The following CERS6 variants were observed in gnomAD, a reference collection of about 807,000 sequenced individuals.
The protein encoded by CERS6 is ceramide synthase 6, also known as LAG1 homolog, ceramide synthase 6.
A neutral mutation model predicts 56.8 loss-of-function variants in CERS6; 26 were observed. That is an observed-to-expected ratio of 0.46 (90% CI 0.34 to 0.63). The LOEUF (loss-of-function observed/expected upper bound fraction) is 0.63. CERS6 is among the 30% of genes least tolerant of loss of function. The pLI is 0.01. For missense variants in CERS6, 415 were observed against 467.5 expected (o/e 0.89, Z 1.04); for synonymous variants, 164 against 173.3 (o/e 0.95, Z 0.42).
At chr2:168,575,712 G>A (rs893685402) in intron 3 of CERS6, among the ~76,000 whole-genome samples, 2 of 152,108 alleles carry the variant, frequency 1.3e-5, no homozygotes, top group Non-Finnish European at 2.9e-5. Flanking sequence ...TCTTGAACAA[G>A]TTTTTATTCT....
chr2:168,609,197 C>A (rs1035183796), intron 3 of CERS6, among the ~76,000 whole-genome samples: 2 of 152,202 alleles, frequency 1.3e-5, no homozygotes, highest in African/African-American at 4.8e-5. Context: ...TGCCTCCCCA[C>A]CTACCCACTG....
intron 3 of CERS6, among the ~76,000 whole-genome samples, chr2:168,566,910 C>G (rs1468925928): frequency 1.3e-5 from 2 of 151,992 alleles, no homozygotes; most frequent in Non-Finnish European, 2.9e-5. Context: ...TTTTCTCTAT[C>G]AGACCATGAC....
intron 8 of CERS6, among the ~76,000 whole-genome samples, chr2:168,752,005 G>A (rs900029919): frequency 5.3e-5 from 8 of 152,178 alleles, no homozygotes; most frequent in Non-Finnish European, 1.2e-4. Context: ...CTCTTTGAGT[G>A]TAGGTACCTA....
At chr2:168,541,900 CA>C (rs1695379478) in intron 1 of CERS6, among the ~76,000 whole-genome samples, 1 of 152,172 alleles carries the variant, frequency 6.6e-6, no homozygotes, top group Non-Finnish European at 1.5e-5. Context: ...CTGATTTCCC[CA>C]GGCTTTTTTC....
intron 8 of CERS6, 22 bp downstream of exon 8, chr2:168,718,000 C>G (rs1309766486): frequency 6.7e-7 from 1 of 1,496,322 alleles, no homozygotes; most frequent in Non-Finnish European, 9.3e-7. Context: ...AGTCTCCTTC[C>G]TGATAGAGCC....
intron 1 of CERS6, among the ~76,000 whole-genome samples, chr2:168,502,877 G>A (rs899021988): frequency 2.0e-5 from 3 of 152,206 alleles, no homozygotes; most frequent in African/African-American, 7.2e-5. Flanking sequence ...AGATCCATCA[G>A]TGTACCAGAT....
chr2:168,483,216 T>G (rs1388758528), intron 1 of CERS6, among the ~76,000 whole-genome samples: 1 of 152,236 alleles, frequency 6.6e-6, no homozygotes, highest in African/African-American at 2.4e-5. Context: ...CTATTTTTAC[T>G]TCTTTTTTTA....
Position 168,577,608 on chromosome 2 carries a change from G to T in CERS6, c.407+16286G>T, listed in dbSNP as rs531522635. Among the ~76,000 whole-genome samples, 257 of 152,318 alleles carry T rather than the reference G, an allele frequency of 1.7e-3. 3 individuals are homozygous for T. The highest frequency in any genetic ancestry group is 3.4e-3 in the Middle Eastern group (1 of 294). ...ATGGCAAGAGCCGAGCCTTGCCCAG[G>T]CAGGAGGCGCTGGGGTGTGGAGCAC... On this transcript the variant is annotated intron_variant, in intron 3 of 9. Transcript: ENST00000305747.
intron 3 of CERS6, among the ~76,000 whole-genome samples, chr2:168,591,607 T>A (rs894128154): frequency 6.6e-6 from 1 of 152,252 alleles, no homozygotes; most frequent in African/African-American, 2.4e-5. Flanking sequence ...TTGTTTTTCA[T>A]AGTAGAGCTT....
At chr2:168,686,219 C>T (rs1374311194) in intron 4 of CERS6, among the ~76,000 whole-genome samples, 1 of 150,710 alleles carries the variant, frequency 6.6e-6, no homozygotes, top group Non-Finnish European at 1.5e-5. Flanking sequence ...GCGGTCTTCA[C>T]TTGGTCTTCC....
At chr2:168,655,805 A>C (rs1185929534) in intron 4 of CERS6, among the ~76,000 whole-genome samples, 2 of 152,248 alleles carry the variant, frequency 1.3e-5, no homozygotes, top group Non-Finnish European at 2.9e-5. Context: ...GTATAGCATG[A>C]GGACTGTAGT....
chr2:168,539,359 C>T (rs1203683544), intron 1 of CERS6, among the ~76,000 whole-genome samples: 1 of 152,214 alleles, frequency 6.6e-6, no homozygotes, highest in African/African-American at 2.4e-5. Flanking sequence ...TGGGCACCCT[C>T]ATTAACTTCT....
chr2:168,579,908 C>G (rs1263050007), intron 3 of CERS6, among the ~76,000 whole-genome samples: 1 of 152,118 alleles, frequency 6.6e-6, no homozygotes. Flanking sequence ...ACGTTCTGCT[C>G]CACATTTTCA....
intron 3 of CERS6, among the ~76,000 whole-genome samples, chr2:168,591,831 C>T (rs1002251284): frequency 6.6e-6 from 1 of 152,156 alleles, no homozygotes; most frequent in Non-Finnish European, 1.5e-5. Context: ...TCTCAAACTT[C>T]GTTAGATTTT....
chr2:168,637,215 C>A (rs1180889914), intron 4 of CERS6, among the ~76,000 whole-genome samples: 2 of 152,156 alleles, frequency 1.3e-5, no homozygotes, highest in African/African-American at 4.8e-5. Context: ...CGGTGGCTCA[C>A]GCCTGTAATC....
rs1008018386 is a variant in CERS6, at chr2:168,772,348, G to A, written c.*2686G>A. On this transcript the variant is annotated 3_prime_UTR_variant, in exon 10 of 10. Coordinates refer to ENST00000305747, the MANE Select transcript of CERS6 (RefSeq NM_203463.3). ...GCTTTTCTGGATCTCTTAGTAGGGG[G>A]AAAGTAGAAAATCGAGTAGAATTTG... 3 of 152,574 alleles carry A rather than the reference G, an allele frequency of 2.0e-5. No homozygotes were observed. Among genetic ancestry groups the A allele is most frequent in the Non-Finnish European group, 4.4e-5 (3 of 68,020 alleles). 9.5% of individuals were successfully genotyped at this position (152,574 alleles called of 1,614,324 possible).
intron 9 of CERS6, chr2:168,766,415 G>A: frequency 7.4e-7 from 1 of 1,359,756 alleles, no homozygotes; most frequent in Non-Finnish European, 1.0e-6. Context: ...GCACTCAGAT[G>A]CTTTTGTTTC....
rs904434068 is a variant in CERS6 at position 168,772,095 on chromosome 2, G to C, written c.*2433G>C. On this transcript the variant is annotated 3_prime_UTR_variant, in exon 10 of 10. Transcript: ENST00000305747. ...TCCCATGGTAGCCTGATAAGGCTGA[G>C]AGAGAAAAATATGTGCAGTATCTCA... 6.6e-6 allele frequency: 1 copy of C among 152,228 alleles called. No individual in the cohort carries two copies. Among genetic ancestry groups the C allele is most frequent in the African/African-American group, 2.4e-5 (1 of 41,460 alleles). 9.4% of individuals were successfully genotyped at this position (152,228 alleles called of 1,614,324 possible).
In CERS6 at chr2:168,773,750, A is replaced by G. The variant is rs1181859076; in HGVS notation, c.*4088A>G. 2 of 152,214 alleles carry G rather than the reference A, an allele frequency of 1.3e-5. No individual in the cohort carries two copies. Among genetic ancestry groups the G allele is most frequent in the African/African-American group, 4.8e-5 (2 of 41,458 alleles). The allele number at this position is 152,214 out of a possible 1,614,324, so 9.4% of individuals were successfully genotyped here. A position where few individuals can be genotyped will look rare whatever the true frequency, so the allele number is the denominator to read the frequency against. On this transcript the variant is annotated 3_prime_UTR_variant, in exon 10 of 10. Coordinates refer to ENST00000305747, the MANE Select transcript of CERS6 (RefSeq NM_203463.3). ...TCTTTTGGTAAAATGAAATTGTGCCATTGTCAAAGTACCCCGTAGTGATGA... is the reference window on the plus strand; with the variant it reads ...TCTTTTGGTAAAATGAAATTGTGCCGTTGTCAAAGTACCCCGTAGTGATGA...
Sources: allele counts gnomAD v4.1 joint callset (sites outside exome capture counted in the v4.1 genomes callset), GRCh38; gene constraint gnomAD v4.1.1; transcripts MANE v1.5; gene names NCBI Gene and HGNC (gene_info 2026-07-23, HGNC 2026-07-21).